The following ZFYVE1 variants were observed in gnomAD, a reference collection of about 807,000 sequenced individuals.
ZFYVE1 encodes the protein zinc finger FYVE domain-containing protein 1.
A neutral mutation model predicts 74.4 loss-of-function variants in ZFYVE1; 30 were observed. That is an observed-to-expected ratio of 0.40 (90% CI 0.30 to 0.55). The LOEUF is 0.55. Ranked by LOEUF, ZFYVE1 falls within the 20% of genes least tolerant of loss-of-function variation. The pLI is 0.42. For synonymous variants in ZFYVE1, 335 were observed against 385.1 expected, an observed-to-expected ratio of 0.87 and a Z score of 1.52; for missense variants, 703 against 1,011.6, an observed-to-expected ratio of 0.69 and a Z score of 4.14.
chr14:72,992,618 C>CCCA (rs1555532801), intron 4 of ZFYVE1, among the ~76,000 whole-genome samples: 2 of 108,844 alleles, frequency 1.8e-5, no homozygotes, highest in East Asian at 2.5e-4. Context: ...TTCAGGTGCC[C>CCCA]CCCCCGCCCC....
At chr14:73,026,655 G>A (rs950798848) in intron 1 of ZFYVE1, among the ~76,000 whole-genome samples, 4 of 151,944 alleles carry the variant, frequency 2.6e-5, no homozygotes, top group African/African-American at 9.7e-5. Context: ...TCCCCAGCCG[G>A]GGGTTCCTCA....
Position 73,016,235 on chromosome 14 carries a change from G to C in ZFYVE1, c.483+7791C>G, listed in dbSNP as rs188127800. On this transcript the variant is annotated intron_variant, in intron 2 of 11. Transcript: ENST00000556143. ...GACCTCTAAATAATGGATCTGGGCC[G>C]GGCACGGTGTTCACGCCTGTAATCC... Among the ~76,000 whole-genome samples, 9 of 152,342 alleles carry C rather than the reference G, an allele frequency of 5.9e-5. 1 individual carries two copies. In the South Asian group the frequency reaches 1.9e-3, roughly 32 times the overall value.
intron 2 of ZFYVE1, among the ~76,000 whole-genome samples, chr14:73,009,553 G>A (rs538270765): frequency 2.6e-5 from 4 of 152,202 alleles, no homozygotes; most frequent in Non-Finnish European, 5.9e-5. Context: ...TCAGGAGTTC[G>A]AGACCAGCCT....
chr14:72,986,536 C>A (rs1291221624), intron 4 of ZFYVE1, among the ~76,000 whole-genome samples: 6 of 149,414 alleles, frequency 4.0e-5, no homozygotes, highest in Non-Finnish European at 8.9e-5. Context: ...GGGAGAAACT[C>A]CTCTTTTAGA....
chr14:73,022,038 A>G (rs906322106), intron 2 of ZFYVE1, among the ~76,000 whole-genome samples: 2 of 152,188 alleles, frequency 1.3e-5, no homozygotes, highest in Non-Finnish European at 2.9e-5. Context: ...TGACTTTCCA[A>G]AAGCTGACAT....
At chr14:73,014,502 T>C (rs1273705449) in intron 2 of ZFYVE1, among the ~76,000 whole-genome samples, 1 of 152,240 alleles carries the variant, frequency 6.6e-6, no homozygotes, top group African/African-American at 2.4e-5. Flanking sequence ...CCAACCCAAC[T>C]ATTGGTTATT....
chr14:73,014,213 T>C (rs1430031055), intron 2 of ZFYVE1, among the ~76,000 whole-genome samples: 1 of 152,174 alleles, frequency 6.6e-6, no homozygotes, highest in Non-Finnish European at 1.5e-5. Flanking sequence ...ATTTGAAACA[T>C]CCTTGTACTA....
intron 4 of ZFYVE1, among the ~76,000 whole-genome samples, chr14:72,982,704 C>T (rs1032320204): frequency 1.3e-5 from 2 of 152,180 alleles, no homozygotes; most frequent in Non-Finnish European, 2.9e-5. Context: ...GTGAAGAAGC[C>T]AGGCATTATC....
chr14:73,010,259 A>T (rs1318140929), intron 2 of ZFYVE1, among the ~76,000 whole-genome samples: 3 of 152,124 alleles, frequency 2.0e-5, no homozygotes, highest in Admixed American at 1.3e-4. Context: ...TGAGGTCAGG[A>T]GTTTGAGACT....
At chr14:72,983,546 G>A (rs1414757003) in intron 4 of ZFYVE1, among the ~76,000 whole-genome samples, 3 of 151,710 alleles carry the variant, frequency 2.0e-5, no homozygotes, top group East Asian at 1.9e-4. Context: ...CTTTTTTATG[G>A]CTGCATAGTA....
chr14:72,971,874 A>G (rs1893043121), intron 11 of ZFYVE1, among the ~76,000 whole-genome samples: 1 of 152,162 alleles, frequency 6.6e-6, no homozygotes, highest in African/African-American at 2.4e-5. Context: ...GGAGTCAGAC[A>G]CTCAAATCCC....
chr14:72,981,953 C>A (rs1594835452), intron 4 of ZFYVE1, 58 bp from the exon 5 acceptor site: 2 of 1,483,660 alleles, frequency 1.3e-6, no homozygotes, highest in South Asian at 1.1e-5. Context: ...CGCACTTTGG[C>A]CCCCCACTGC....
intron 2 of ZFYVE1, among the ~76,000 whole-genome samples, chr14:73,001,269 C>T (rs1893867639): frequency 6.6e-6 from 1 of 152,082 alleles, no homozygotes; most frequent in African/African-American, 2.4e-5. Flanking sequence ...GGGAATCATA[C>T]ATCTGAAAGA....
chr14:72,978,354 C>A, intron 6 of ZFYVE1, 120 bp from the exon 7 acceptor site: 1 of 879,964 alleles, frequency 1.1e-6, no homozygotes, highest in Admixed American at 2.4e-5. Flanking sequence ...TCTGCCCGAT[C>A]TCAGGAGTTC....
At chr14:73,003,661 G>C (rs1893920678) in intron 2 of ZFYVE1, among the ~76,000 whole-genome samples, 1 of 151,810 alleles carries the variant, frequency 6.6e-6, no homozygotes, top group Non-Finnish European at 1.5e-5. Context: ...AGTGGGCCGA[G>C]ATCGTGCCAC....
Position 72,974,943 on chromosome 14 carries a change from G to A in ZFYVE1, c.1823C>T (p.Ala608Val). The A allele has an allele frequency of 1.9e-6, 3 of 1,610,884 alleles. No individual in the cohort carries two copies. The highest frequency in any genetic ancestry group is 2.5e-6 in the Non-Finnish European group (3 of 1,177,468). ...AGTGTCGTTATCTTTAAAGGACGTC[G>A]CACACTTGTTGCAGCTCTGTTCCAA... ...NSQILSCNKC[A>V]TSFKDNDTKH... Residue 608 changes from alanine to valine, a missense_variant, in exon 10 of 12, where the codon GCG (alanine) becomes GTG (valine). By Grantham distance (64) the Ala-to-Val change is moderately conservative. Coordinates refer to ENST00000556143, the MANE Select transcript of ZFYVE1 (RefSeq NM_021260.4).
chr14:73,012,451 G>T (rs947163879), intron 2 of ZFYVE1, among the ~76,000 whole-genome samples: 1 of 152,104 alleles, frequency 6.6e-6, no homozygotes, highest in Non-Finnish European at 1.5e-5. Context: ...ATGAAACCCT[G>T]TCTTTACTAA....
chr14:72,995,603 A>G (rs59761054), intron 3 of ZFYVE1, among the ~76,000 whole-genome samples: 11,031 of 152,202 alleles, frequency 0.072, 532 homozygotes, highest in East Asian at 0.19. Context: ...TCCCCTCACT[A>G]AAACTGTAAA....
At chr14:72,985,772 A>G (rs1893462046) in intron 4 of ZFYVE1, among the ~76,000 whole-genome samples, 1 of 142,068 alleles carries the variant, frequency 7.0e-6, no homozygotes, top group Non-Finnish European at 1.5e-5. Flanking sequence ...AGAATAGCAA[A>G]TTATTTTTTA....
Sources: allele counts gnomAD v4.1 joint callset (sites outside exome capture counted in the v4.1 genomes callset), GRCh38; gene constraint gnomAD v4.1.1; transcripts MANE v1.5; gene names NCBI Gene and HGNC (gene_info 2026-07-23, HGNC 2026-07-21).